SGMS2: variants seen among roughly 807,000 people sequenced by gnomAD.
SGMS2 encodes phosphatidylcholine:ceramide cholinephosphotransferase 2.
In SGMS2, 21 loss-of-function variants were observed where a neutral mutation model predicts 43.8. That is an observed-to-expected ratio of 0.48 (90% CI 0.34 to 0.69). SGMS2 has a LOEUF of 0.69. Ranked by LOEUF, SGMS2 falls within the 30% of genes least tolerant of loss-of-function variation. SGMS2 has a pLI of 0.01. For missense variants in SGMS2, 384 were observed against 443.2 expected (o/e 0.87, Z 1.20); for synonymous variants, 167 against 160.6 (o/e 1.04, Z -0.30).
intron 1 of SGMS2, among the ~76,000 whole-genome samples, chr4:107,829,930 A>G (rs537147830): frequency 6.6e-6 from 1 of 151,944 alleles, no homozygotes; most frequent in African/African-American, 2.4e-5. Context: ...GGTTTGTTAC[A>G]TGGGTAAATT....
At chr4:107,849,048 G>A (rs74851418) in intron 1 of SGMS2, among the ~76,000 whole-genome samples, 6,162 of 152,062 alleles carry the variant, frequency 0.041, 421 homozygotes, top group African/African-American at 0.14. Flanking sequence ...ATGGAAGTCG[G>A]GTTGTTCAGC....
intron 1 of SGMS2, among the ~76,000 whole-genome samples, chr4:107,850,899 G>A (rs1476407010): frequency 6.6e-6 from 1 of 152,134 alleles, no homozygotes; most frequent in Non-Finnish European, 1.5e-5. Flanking sequence ...AGATTCAGTT[G>A]CAAAACCTTC....
chr4:107,889,772 A>C (rs1730054466), intron 2 of SGMS2, among the ~76,000 whole-genome samples: 3 of 152,210 alleles, frequency 2.0e-5, no homozygotes, highest in Admixed American at 2.0e-4. Flanking sequence ...ACTCAGGTGA[A>C]AATCAAATAG....
intron 2 of SGMS2, among the ~76,000 whole-genome samples, chr4:107,890,704 G>T (rs1445497551): frequency 6.6e-6 from 1 of 151,656 alleles, no homozygotes; most frequent in Non-Finnish European, 1.5e-5. Flanking sequence ...CAAGGTCCTG[G>T]GGGAGAAAAA....
At chr4:107,876,435 T>C (rs982675351) in intron 2 of SGMS2, among the ~76,000 whole-genome samples, 3 of 152,244 alleles carry the variant, frequency 2.0e-5, no homozygotes, top group Non-Finnish European at 4.4e-5. Flanking sequence ...AGATTTTTGC[T>C]TAAAGGTAAC....
chr4:107,887,334 G>A (rs988440305), intron 2 of SGMS2, among the ~76,000 whole-genome samples: 1 of 152,122 alleles, frequency 6.6e-6, no homozygotes, highest in Non-Finnish European at 1.5e-5. Flanking sequence ...CATAGTCAAA[G>A]ACACAATTGG....
At chr4:107,877,903 T>TTTTTC (rs1227635974) in intron 2 of SGMS2, among the ~76,000 whole-genome samples, 3 of 145,018 alleles carry the variant, frequency 2.1e-5, no homozygotes, top group East Asian at 3.9e-4. Flanking sequence ...TCTTTCTTTC[T>TTTTTC]TTTTCTTTTC....
intron 3 of SGMS2, among the ~76,000 whole-genome samples, chr4:107,897,560 G>T (rs533759800): frequency 6.6e-6 from 1 of 152,284 alleles, no homozygotes; most frequent in Non-Finnish European, 1.5e-5. Context: ...CCACCCTGAA[G>T]TACAGTCTTT....
At chr4:107,838,377 C>A (rs982166277) in intron 1 of SGMS2, among the ~76,000 whole-genome samples, 1 of 152,214 alleles carries the variant, frequency 6.6e-6, no homozygotes, top group Non-Finnish European at 1.5e-5. Context: ...CTGCAGGAAA[C>A]TTTCCTGCTC....
chr4:107,892,124 A>C (rs1026796153), intron 2 of SGMS2, among the ~76,000 whole-genome samples: 35 of 151,540 alleles, frequency 2.3e-4, no homozygotes, highest in Non-Finnish European at 4.6e-4. Context: ...AAAAAAAAAA[A>C]ACCTCATCTT....
intron 2 of SGMS2, among the ~76,000 whole-genome samples, chr4:107,895,072 T>G (rs1730552904): frequency 6.6e-6 from 1 of 152,224 alleles, no homozygotes; most frequent in Non-Finnish European, 1.5e-5. Flanking sequence ...GGGAACTGAT[T>G]GTTAAAATGT....
At chr4:107,907,527 C>T (rs1177179318) in intron 5 of SGMS2, among the ~76,000 whole-genome samples, 1 of 152,174 alleles carries the variant, frequency 6.6e-6, no homozygotes, top group Non-Finnish European at 1.5e-5. Context: ...AGGAGAATCG[C>T]TTGAACCCAG....
intron 2 of SGMS2, among the ~76,000 whole-genome samples, chr4:107,877,288 C>G (rs1728980430): frequency 6.6e-6 from 1 of 152,080 alleles, no homozygotes; most frequent in Non-Finnish European, 1.5e-5. Flanking sequence ...CAAAACAAAA[C>G]AAAAATGACT....
intron 4 of SGMS2, among the ~76,000 whole-genome samples, chr4:107,900,129 A>T (rs1417374552): frequency 6.6e-6 from 1 of 152,260 alleles, no homozygotes; most frequent in Admixed American, 6.5e-5. Context: ...TGTCACAAGC[A>T]GAACAGCAAA....
intron 2 of SGMS2, among the ~76,000 whole-genome samples, chr4:107,884,647 C>T (rs1272648011): frequency 6.6e-6 from 1 of 152,174 alleles, no homozygotes; most frequent in Non-Finnish European, 1.5e-5. Flanking sequence ...TCATTGCCGC[C>T]TCTGGAGAGG....
At chr4:107,845,678 C>G (rs1402663389) in intron 1 of SGMS2, among the ~76,000 whole-genome samples, 1 of 152,136 alleles carries the variant, frequency 6.6e-6, no homozygotes, top group African/African-American at 2.4e-5. Flanking sequence ...TAAGGGATGT[C>G]TGAAAAGATG....
intron 2 of SGMS2, among the ~76,000 whole-genome samples, chr4:107,876,869 G>C (rs1345251323): frequency 6.6e-6 from 1 of 152,174 alleles, no homozygotes; most frequent in African/African-American, 2.4e-5. Context: ...GTTTCATTTA[G>C]AGAGTGTTAT....
At position 107,910,801 on chromosome 4, in the gene SGMS2, T is replaced by C; in HGVS notation, c.*248T>C. The C allele has an allele frequency of 2.4e-6, 1 of 424,256 alleles. No individual in the cohort carries two copies. Among genetic ancestry groups the C allele is most frequent in the Non-Finnish European group, 4.2e-6 (1 of 238,152 alleles). 26.3% of individuals were successfully genotyped at this position (424,256 alleles called of 1,614,324 possible). ...AGCCCCCACCCCGGGACTTTACTAA[T>C]GAGCTTGTTAAAGAGGTGCCAAAGA... is the stretch of plus-strand genomic sequence containing the variant. On this transcript the variant is annotated 3_prime_UTR_variant, in exon 7 of 7. Coordinates refer to ENST00000690982, the MANE Select transcript of SGMS2 (RefSeq NM_001375905.1).
chr4:107,878,018 T>A (rs1046056747), intron 2 of SGMS2, among the ~76,000 whole-genome samples: 1 of 148,936 alleles, frequency 6.7e-6, no homozygotes, highest in Admixed American at 6.8e-5. Context: ...CGGGTTTAAG[T>A]GATTCTCCTG....
Sources: gnomAD v4.1 joint callset for allele counts (sites outside exome capture counted in the v4.1 genomes callset) on GRCh38, gnomAD v4.1.1 for gene constraint, MANE v1.5 for transcripts, NCBI Gene and HGNC (gene_info 2026-07-23, HGNC 2026-07-21) for gene names.